Variants in TCF12 observed in about 807,000 individuals in gnomAD.
TCF12 encodes transcription factor 12.
Under a neutral mutation model 86.0 loss-of-function variants are expected in TCF12, and 45 were observed. The observed-to-expected ratio is 0.52, with a 90% confidence interval of 0.41 to 0.67. The LOEUF is 0.67. TCF12 is among the 30% of genes least tolerant of loss of function. The pLI, the probability that TCF12 is intolerant of heterozygous loss-of-function variation, is 0.00. For synonymous variants in TCF12, 330 were observed against 299.6 expected (o/e 1.10, Z -1.05); for missense variants, 881 against 859.9 (o/e 1.02, Z -0.31).
intron 3 of TCF12, among the ~76,000 whole-genome samples, chr15:57,010,179 T>C (rs2064737319): frequency 6.6e-6 from 1 of 152,090 alleles, no homozygotes; most frequent in Non-Finnish European, 1.5e-5. Context: ...AAAAAACTCC[T>C]TAACTATAAG....
intron 4 of TCF12, among the ~76,000 whole-genome samples, chr15:57,077,719 A>G (rs1214585029): frequency 1.3e-5 from 2 of 149,156 alleles, no homozygotes; most frequent in East Asian, 3.9e-4. Flanking sequence ...GACGTGAGCT[A>G]CCACACCTGG....
At chr15:56,984,827 A>G (rs1595968320) in intron 3 of TCF12, among the ~76,000 whole-genome samples, 2 of 152,190 alleles carry the variant, frequency 1.3e-5, no homozygotes, top group African/African-American at 4.8e-5. Flanking sequence ...ACACCCTACC[A>G]TTATGAAAAG....
At chr15:57,263,368 T>C (rs1193402753) in intron 18 of TCF12, 94 bp downstream of exon 18, 1 of 1,294,228 alleles carries the variant, frequency 7.7e-7, no homozygotes, top group Non-Finnish European at 1.1e-6. Context: ...AACTGTCAGC[T>C]ATGTTCTAGA....
chr15:57,123,982 A>AAAAAAAAAAAAAAAAAAAAAAAT (rs1555511574), intron 5 of TCF12, among the ~76,000 whole-genome samples: 1 of 111,212 alleles, frequency 9.0e-6, no homozygotes, highest in African/African-American at 3.0e-5. Flanking sequence ...AAAAAAAAAA[A>AAAAAAAAAAAAAAAAAAAAAAAT]TTTTTTTTTT....
intron 3 of TCF12, among the ~76,000 whole-genome samples, chr15:57,011,324 T>G (rs1320087912): frequency 1.3e-5 from 2 of 151,924 alleles, no homozygotes; most frequent in African/African-American, 4.8e-5. Context: ...ATCTGGTTGT[T>G]TATAAGTCAG....
Position 57,263,169 on chromosome 15 carries a change from A to G in TCF12, c.1640A>G (p.Lys547Arg). ...ACAACAGAAATCAAGACTGAAAACAAAGAAAAGGATGAAAACCTTCATGAA... is the reference window on the plus strand; with the variant it reads ...ACAACAGAAATCAAGACTGAAAACAGAGAAAAGGATGAAAACCTTCATGAA... ...VVTTEIKTEN[K>R]EKDENLHEPP... is the part of the protein sequence containing the mutation. Residue 547 changes from lysine to arginine, a missense_variant, in exon 18 of 21, where the codon AAA becomes AGA. This residue lies in a region of TCF12 where 766 missense variants were observed against 718.9 expected (regional missense o/e 1.07). Transcript: ENST00000333725. 6.2e-7 allele frequency: 1 copy of G among 1,613,352 alleles called. No individual in the cohort carries two copies. The highest frequency in any genetic ancestry group is 8.5e-7 in the Non-Finnish European group (1 of 1,179,764).
downstream of TCF12, chr15:57,290,805 C>T (rs1447018402): frequency 6.6e-6 from 1 of 151,994 alleles, no homozygotes; most frequent in African/African-American, 2.4e-5. Context: ...TGGAAGCCAA[C>T]AGCTAACCAC....
chr15:57,266,230 A>C (rs2060864904), intron 18 of TCF12, among the ~76,000 whole-genome samples: 1 of 152,080 alleles, frequency 6.6e-6, no homozygotes, highest in East Asian at 1.9e-4. Context: ...GGCAGATGCC[A>C]CCATGCCTGG....
At chr15:56,990,939 T>A (rs1452074737) in intron 3 of TCF12, among the ~76,000 whole-genome samples, 1 of 151,970 alleles carries the variant, frequency 6.6e-6, no homozygotes, top group Non-Finnish European at 1.5e-5. Flanking sequence ...GGGCCACAGA[T>A]GTGCACCACT....
At chr15:57,283,213 T>TAA (rs2061776159) in intron 20 of TCF12, among the ~76,000 whole-genome samples, 1 of 152,172 alleles carries the variant, frequency 6.6e-6, no homozygotes, top group Non-Finnish European at 1.5e-5. Context: ...AAGACTGTTC[T>TAA]TTATATCTTC....
chr15:57,035,335 C>T (rs1020043340), intron 3 of TCF12, among the ~76,000 whole-genome samples: 4 of 152,214 alleles, frequency 2.6e-5, no homozygotes, highest in African/African-American at 9.6e-5. Context: ...ACGATCATAG[C>T]TCACTGCAGC....
intron 12 of TCF12, among the ~76,000 whole-genome samples, chr15:57,239,661 G>A (rs538771747): frequency 8.5e-5 from 13 of 152,308 alleles, no homozygotes; most frequent in African/African-American, 3.1e-4. Flanking sequence ...TCATGGCAGT[G>A]ATTATGACAT....
intron 3 of TCF12, among the ~76,000 whole-genome samples, chr15:57,034,236 G>T (rs1410235325): frequency 6.6e-6 from 1 of 151,984 alleles, no homozygotes; most frequent in African/African-American, 2.4e-5. Flanking sequence ...GTTGTTTTTG[G>T]GTTAAATAAA....
chr15:57,254,969 C>T (rs1436571387), intron 16 of TCF12, among the ~76,000 whole-genome samples: 1 of 151,404 alleles, frequency 6.6e-6, no homozygotes, highest in African/African-American at 2.4e-5. Context: ...GAATTTGTTA[C>T]AAATGTGAAT....
chr15:57,084,651 T>C (rs1186656820), intron 4 of TCF12, among the ~76,000 whole-genome samples: 2 of 152,114 alleles, frequency 1.3e-5, no homozygotes, highest in African/African-American at 4.8e-5. Context: ...GGATGTAGAT[T>C]AGTGCTTCTC....
chr15:57,166,560 T>TA, intron 6 of TCF12, 94 bp downstream of exon 6: 1 of 1,104,510 alleles, frequency 9.1e-7, no homozygotes, highest in East Asian at 2.6e-5. Flanking sequence ...TCCAATTTAT[T>TA]TCACTACTGT....
At chr15:57,053,085 T>C (rs1315588059) in intron 3 of TCF12, among the ~76,000 whole-genome samples, 1 of 152,218 alleles carries the variant, frequency 6.6e-6, no homozygotes, top group Non-Finnish European at 1.5e-5. Context: ...ACCAACAATG[T>C]ACGGGGGCTC....
intron 5 of TCF12, among the ~76,000 whole-genome samples, chr15:57,126,180 G>T (rs578004320): frequency 1.3e-5 from 2 of 152,168 alleles, no homozygotes; most frequent in African/African-American, 2.4e-5. Context: ...GGAGAAAATT[G>T]CACTGAGCTA....
chr15:57,132,583 G>A (rs2052213834), intron 5 of TCF12, among the ~76,000 whole-genome samples: 1 of 152,160 alleles, frequency 6.6e-6, no homozygotes, highest in Non-Finnish European at 1.5e-5. Context: ...GTGCCGAATT[G>A]CCCTCTGAAT....
Sources: gnomAD v4.1 joint callset for allele counts (sites outside exome capture counted in the v4.1 genomes callset) on GRCh38, gnomAD v4.1.1 for gene constraint, gnomAD v4.1.1 regional missense constraint, MANE v1.5 for transcripts, NCBI Gene and HGNC (gene_info 2026-07-23, HGNC 2026-07-21) for gene names.